TMEM242: variants seen among roughly 807,000 people sequenced by gnomAD.
TMEM242 encodes the protein UPF0463 transmembrane protein C6orf35.
TMEM242 carries 10 observed loss-of-function variants against 18.2 expected under a neutral mutation model. That is an observed-to-expected ratio of 0.55 (90% CI 0.34 to 0.93). The LOEUF (loss-of-function observed/expected upper bound fraction) is 0.93. Among genes scored for constraint, TMEM242 ranks in the 40% least tolerant of loss-of-function variants. The pLI is 0.02. For synonymous variants in TMEM242, 57 were observed against 69.9 expected (o/e 0.81, Z 0.92); for missense variants, 186 against 175.5 (o/e 1.06, Z -0.34).
intron 3 of TMEM242, among the ~76,000 whole-genome samples, chr6:157,304,478 AAAAAAAAAAAAAAGAG>A (rs1382505284): frequency 7.2e-5 from 9 of 125,810 alleles, no homozygotes; most frequent in Middle Eastern, 3.9e-3. Flanking sequence ...AAAAAAAAAA[AAAAAAAAAAAAAAGAG>A]AGAGAGAGAG....
At chr6:157,312,091 CTA>C (rs1778153233) in intron 3 of TMEM242, among the ~76,000 whole-genome samples, 1 of 115,308 alleles carries the variant, frequency 8.7e-6, no homozygotes, top group Non-Finnish European at 1.8e-5. Flanking sequence ...ACATAGTGCC[CTA>C]GTGTCCCCTC....
At position 157,292,644 on chromosome 6, in the gene TMEM242, G is replaced by A. The variant is rs1361277883; in HGVS notation, c.*257C>T. The A allele has an allele frequency of 3.0e-6, 1 of 337,056 alleles. No homozygotes were observed. The allele number at this position is 337,056 out of a possible 1,614,324, so 20.9% of individuals were successfully genotyped here. On this transcript the variant is annotated 3_prime_UTR_variant, in exon 4 of 4. Coordinates refer to ENST00000400788, the MANE Select transcript of TMEM242 (RefSeq NM_018452.6). Reference sequence around the variant, plus strand: ...TACAAACAGAATCATTTCCTATGGGGTCCCCTCCACATAAGGAAGTTATTC... The same window carrying A: ...TACAAACAGAATCATTTCCTATGGGATCCCCTCCACATAAGGAAGTTATTC...
intron 3 of TMEM242, chr6:157,299,899 G>A: frequency 3.1e-6 from 5 of 1,612,578 alleles, no homozygotes; most frequent in Non-Finnish European, 4.2e-6. Context: ...ATAAGATGCT[G>A]GTAGCGCAGG....
intron 3 of TMEM242, chr6:157,299,458 G>A: frequency 7.3e-7 from 1 of 1,376,722 alleles, no homozygotes; most frequent in Non-Finnish European, 1.0e-6. Flanking sequence ...ATCCGTGGCA[G>A]TTTTCAGAGT....
chr6:157,311,266 C>T (rs1778069801), intron 3 of TMEM242, among the ~76,000 whole-genome samples: 2 of 149,964 alleles, frequency 1.3e-5, no homozygotes, highest in African/African-American at 2.5e-5. Context: ...CTAGCCTCAT[C>T]ATAGTGCCCC....
chr6:157,311,214 G>C (rs1778063120), intron 3 of TMEM242, among the ~76,000 whole-genome samples: 5 of 106,122 alleles, frequency 4.7e-5, no homozygotes, highest in African/African-American at 1.5e-4. Context: ...GTCCGACTGT[G>C]CGCTCACCTA....
chr6:157,310,368 C>A lies in TMEM242; in HGVS notation c.327+8414G>T, dbSNP rs1047872660. ...ATAAAACAACTGAATCATAGCATCC[C>A]AGTGTGCACTCACCTGGCCTCATCA... On this transcript the variant is annotated intron_variant, in intron 3 of 3. Coordinates refer to ENST00000400788, the MANE Select transcript of TMEM242 (RefSeq NM_018452.6). Among the ~76,000 whole-genome samples the A allele has an allele frequency of 9.3e-5, 13 of 139,768 alleles. No individual in the cohort carries two copies. In the Admixed American group the frequency reaches 9.3e-4, roughly 10 times the overall value. 91.7% of individuals were successfully genotyped at this position (139,768 alleles called of 152,430 possible).
At chr6:157,299,978 C>T (rs1777804981) in intron 3 of TMEM242, 3 of 1,470,620 alleles carry the variant, frequency 2.0e-6, no homozygotes, top group East Asian at 2.3e-5. Flanking sequence ...GGAAGTGAAG[C>T]GCTCAACAAG....
At chr6:157,295,852 A>C (rs1383924544) in intron 3 of TMEM242, among the ~76,000 whole-genome samples, 1 of 152,194 alleles carries the variant, frequency 6.6e-6, no homozygotes, top group Non-Finnish European at 1.5e-5. Context: ...CAGCTGTGGA[A>C]ATCGAAACGC....
At chr6:157,310,397 T>C (rs1554248267) in intron 3 of TMEM242, among the ~76,000 whole-genome samples, 1 of 142,376 alleles carries the variant, frequency 7.0e-6, no homozygotes, top group African/African-American at 2.7e-5. Context: ...CTCATCATAG[T>C]GTCCCAGTGG....
Position 157,318,849 on chromosome 6 carries a change from G to C in TMEM242, c.260C>G (p.Ser87Cys). ...SLALRALGWG[S>C]LYAWCGVGVI... Reference sequence around the variant, plus strand: ...ACCAACCCCACACCATGCATACAGGGAGCCCCAGCCCAGAGCTCGCAAGGC... The same window carrying C: ...ACCAACCCCACACCATGCATACAGGCAGCCCCAGCCCAGAGCTCGCAAGGC... The change falls in exon 3 of 4, where the codon TCC becomes TGC. Residue 87 changes from serine to cysteine, a missense_variant. By Grantham distance (112) the Ser-to-Cys change is moderately radical. Coordinates refer to ENST00000400788, the MANE Select transcript of TMEM242 (RefSeq NM_018452.6). 6.2e-7 allele frequency: 1 copy of C among 1,613,852 alleles called. No homozygotes were observed.
At chr6:157,308,713 G>A (rs1357105709) in intron 3 of TMEM242, among the ~76,000 whole-genome samples, 1 of 151,884 alleles carries the variant, frequency 6.6e-6, no homozygotes, top group Non-Finnish European at 1.5e-5. Flanking sequence ...AGCCTTTCTA[G>A]CAGCAGGGAC....
intron 2 of TMEM242, 51 bp downstream of exon 2, chr6:157,322,654 C>A: frequency 1.3e-6 from 2 of 1,485,960 alleles, no homozygotes; most frequent in South Asian, 1.2e-5. Flanking sequence ...CAAAAGCTGC[C>A]ATATATTGTA....
intron 3 of TMEM242, among the ~76,000 whole-genome samples, chr6:157,295,658 T>C (rs1554247140): frequency 6.6e-6 from 1 of 152,196 alleles, no homozygotes; most frequent in Non-Finnish European, 1.5e-5. Context: ...CCTCTTGGCC[T>C]GATTGTTTTC....
At chr6:157,310,979 C>T (rs1554248543) in intron 3 of TMEM242, among the ~76,000 whole-genome samples, 30 of 2,260 alleles carry the variant, frequency 0.013, no homozygotes, top group African/African-American at 0.023. Context: ...TCATAGTGTC[C>T]CAGTATGCGC....
chr6:157,303,515 T>C lies in TMEM242; in HGVS notation c.328-10516A>G, dbSNP rs980729139. On this transcript the variant is annotated intron_variant, in intron 3 of 3. Transcript: ENST00000400788. ...AAACAAAAACAAAAATCTATTACAG[T>C]GTTAGAAATGCAGTAAAACAAATAT... Among the ~76,000 whole-genome samples the C allele has an allele frequency of 9.2e-5, 14 of 152,176 alleles. No homozygotes were observed. In the East Asian group the frequency reaches 2.7e-3, roughly 29 times the overall value.
intron 3 of TMEM242, among the ~76,000 whole-genome samples, chr6:157,312,174 C>A (rs1778161132): frequency 6.7e-6 from 1 of 148,992 alleles, no homozygotes; most frequent in Non-Finnish European, 1.5e-5. Context: ...GTGCACTCAC[C>A]CGGCCTCATC....
At chr6:157,311,563 TA>T (rs1778102338) in intron 3 of TMEM242, among the ~76,000 whole-genome samples, 9 of 10,142 alleles carry the variant, frequency 8.9e-4, no homozygotes, top group Non-Finnish European at 1.5e-3. Context: ...TGCGCTCACC[TA>T]GCCTCAACAT....
chr6:157,299,622 G>A (rs1777799845), intron 3 of TMEM242: 4 of 1,601,752 alleles, frequency 2.5e-6, no homozygotes, highest in Non-Finnish European at 2.6e-6. Flanking sequence ...AGCTTGCAGA[G>A]GGGGCTGTAC....
Sources: allele counts gnomAD v4.1 joint callset (sites outside exome capture counted in the v4.1 genomes callset), GRCh38; gene constraint gnomAD v4.1.1; transcripts MANE v1.5; gene names NCBI Gene and HGNC (gene_info 2026-07-23, HGNC 2026-07-21).